Variants in ZCWPW2 observed in about 807,000 individuals in gnomAD.
The protein encoded by ZCWPW2 is zinc finger CW-type PWWP domain protein 2.
Under a neutral mutation model 46.6 loss-of-function variants are expected in ZCWPW2, and 45 were observed. The observed-to-expected ratio is 0.96, with a 90% CI of 0.76 to 1.24. The LOEUF (loss-of-function observed/expected upper bound fraction) is 1.24. Ranked by LOEUF, ZCWPW2 falls within the 50% of genes most tolerant of loss-of-function variation. The pLI is 0.00. For missense variants in ZCWPW2, 429 were observed against 403.9 expected, an observed-to-expected ratio of 1.06 and a Z score of -0.53; for synonymous variants, 152 against 137.1, an observed-to-expected ratio of 1.11 and a Z score of -0.76.
chr3:28,382,414 A>G lies in ZCWPW2; in HGVS notation c.-133-8084A>G, dbSNP rs1205589787. Among the ~76,000 whole-genome samples the G allele has an allele frequency of 2.6e-5, 4 of 152,250 alleles. No individual in the cohort carries two copies. In the East Asian group the frequency reaches 5.8e-4, roughly 22 times the overall value. On this transcript the variant is annotated intron_variant, in intron 1 of 9. Coordinates refer to ENST00000383768, the MANE Select transcript of ZCWPW2 (RefSeq NM_001040432.4). ...CAAGGACACTAGACATATTGGATTA[A>G]GGCTCACCCTAATTACCTCATTAAA... is the stretch of plus-strand genomic sequence containing the variant.
chr3:28,394,788 C>A (rs547399322), intron 2 of ZCWPW2, among the ~76,000 whole-genome samples: 340 of 152,118 alleles, frequency 2.2e-3, no homozygotes, highest in Middle Eastern at 3.4e-3. Context: ...AGACATAAGA[C>A]CTGAAACTAT....
intron 6 of ZCWPW2, among the ~76,000 whole-genome samples, chr3:28,495,276 A>G (rs1699949634): frequency 6.6e-6 from 1 of 152,136 alleles, no homozygotes; most frequent in African/African-American, 2.4e-5. Flanking sequence ...AATATCATAG[A>G]AAACAAGGTT....
chr3:28,369,324 A>G (rs952811065), intron 1 of ZCWPW2, among the ~76,000 whole-genome samples: 13 of 152,066 alleles, frequency 8.5e-5, no homozygotes, highest in Non-Finnish European at 1.8e-4. Flanking sequence ...TGACGTACAG[A>G]TGGGGTTTTG....
chr3:28,387,374 A>G (rs951341938), intron 1 of ZCWPW2, among the ~76,000 whole-genome samples: 4 of 152,334 alleles, frequency 2.6e-5, no homozygotes, highest in Non-Finnish European at 4.4e-5. Flanking sequence ...TTTAGAAGAT[A>G]TGAAAATTTA....
intron 4 of ZCWPW2, among the ~76,000 whole-genome samples, chr3:28,458,549 T>G (rs1236903664): frequency 1.3e-5 from 2 of 152,178 alleles, no homozygotes; most frequent in Non-Finnish European, 2.9e-5. Flanking sequence ...TTAAGTGACT[T>G]GCCTGAGGTT....
At chr3:28,481,999 G>A (rs189773836) in intron 5 of ZCWPW2, among the ~76,000 whole-genome samples, 20 of 152,188 alleles carry the variant, frequency 1.3e-4, no homozygotes, top group African/African-American at 4.6e-4. Flanking sequence ...ACACGTCATT[G>A]TCACCCAAAG....
At chr3:28,465,974 C>A (rs184570009) in intron 4 of ZCWPW2, among the ~76,000 whole-genome samples, 1 of 152,122 alleles carries the variant, frequency 6.6e-6, no homozygotes, top group Admixed American at 6.5e-5. Context: ...AGTACATAGA[C>A]ACTATGGAAT....
chr3:28,421,834 T>TTGTGTGTGTGTGTG (rs71087697), intron 3 of ZCWPW2, among the ~76,000 whole-genome samples: 115 of 133,908 alleles, frequency 8.6e-4, no homozygotes, highest in African/African-American at 1.6e-3. Context: ...GGAGAATAGT[T>TTGTGTGTGTGTGTG]TGTGTGTGTG....
intron 6 of ZCWPW2, among the ~76,000 whole-genome samples, chr3:28,500,394 A>G (rs564976430): frequency 1.6e-4 from 25 of 152,182 alleles, no homozygotes; most frequent in African/African-American, 5.8e-4. Context: ...ACATATTTCT[A>G]ATTAACTCTA....
Position 28,432,917 on chromosome 3 carries a change from T to A in ZCWPW2, c.333-2193T>A, listed in dbSNP as rs577927316. Among the ~76,000 whole-genome samples, 9 of 152,320 alleles carry A rather than the reference T, an allele frequency of 5.9e-5. No homozygotes were observed. The South Asian group carries it at 1.9e-3, about 32-fold the overall frequency. The stretch of plus-strand genomic sequence containing the variant: ...ACCATCATTCTATCCCTGGTCTTGA[T>A]ACAGTAGCAATCCTTATTGATCAAA... On this transcript the variant is annotated intron_variant, in intron 3 of 9. Coordinates refer to ENST00000383768, the MANE Select transcript of ZCWPW2 (RefSeq NM_001040432.4).
intron 2 of ZCWPW2, among the ~76,000 whole-genome samples, chr3:28,405,946 C>T (rs1696140798): frequency 6.6e-6 from 1 of 152,138 alleles, no homozygotes; most frequent in African/African-American, 2.4e-5. Flanking sequence ...GAAATAGGAA[C>T]ATATCATAAA....
At position 28,404,563 on chromosome 3, in the gene ZCWPW2, G is replaced by A. The variant is rs548783642; in HGVS notation, c.-13-8493G>A. The stretch of plus-strand genomic sequence containing the variant: ...AGAAAAAAGTTATTATATGAAAAAT[G>A]TACCTGCACATTCATGTTTATAACA... On this transcript the variant is annotated intron_variant, in intron 2 of 9. Transcript: ENST00000383768. 2.0e-5 allele frequency among the ~76,000 whole-genome samples: 3 copies of A among 152,180 alleles called. No homozygotes were observed. In the South Asian group the frequency reaches 6.2e-4, roughly 32 times the overall value.
At chr3:28,510,510 C>T (rs1700398654) in intron 6 of ZCWPW2, among the ~76,000 whole-genome samples, 1 of 152,118 alleles carries the variant, frequency 6.6e-6, no homozygotes. Flanking sequence ...ATGTTGAGCA[C>T]TTAATTTACT....
intron 4 of ZCWPW2, among the ~76,000 whole-genome samples, chr3:28,446,115 CA>C (rs1697981266): frequency 6.6e-6 from 1 of 151,856 alleles, no homozygotes; most frequent in African/African-American, 2.4e-5. Context: ...ATGGATAGAC[CA>C]CCAGGCAGAA....
At chr3:28,492,732 G>T (rs1208978888) in intron 6 of ZCWPW2, among the ~76,000 whole-genome samples, 2 of 152,142 alleles carry the variant, frequency 1.3e-5, no homozygotes, top group Admixed American at 6.6e-5. Context: ...ACTTGGTTGG[G>T]ATAGGATGAA....
At position 28,365,862 on chromosome 3, in the gene ZCWPW2, T is replaced by C. The variant is rs1001168326; in HGVS notation, c.-134+16659T>C. 6.4e-5 allele frequency among the ~76,000 whole-genome samples: 9 copies of C among 140,946 alleles called. 1 individual carries two copies. Among genetic ancestry groups the C allele is most frequent in the East Asian group, 2.0e-4 (1 of 5,108 alleles). 92.5% of individuals were successfully genotyped at this position (140,946 alleles called of 152,430 possible). A position where few individuals can be genotyped will look rare whatever the true frequency, so the allele number is the denominator to read the frequency against. On this transcript the variant is annotated intron_variant, in intron 1 of 9. Transcript: ENST00000383768. ...TAGTTTTCCTTGAAGAGGTCCTTCATCTCCCGTGTAAGTTGGATTCCTAGG... is the reference window on the plus strand; with the variant it reads ...TAGTTTTCCTTGAAGAGGTCCTTCACCTCCCGTGTAAGTTGGATTCCTAGG...
chr3:28,396,208 G>A (rs1028999708), intron 2 of ZCWPW2, among the ~76,000 whole-genome samples: 3 of 152,026 alleles, frequency 2.0e-5, no homozygotes, highest in Non-Finnish European at 2.9e-5. Flanking sequence ...GTCCTCTAGA[G>A]ATTATACAGC....
intron 5 of ZCWPW2, among the ~76,000 whole-genome samples, chr3:28,485,306 T>C (rs542810069): frequency 3.9e-5 from 6 of 152,294 alleles, no homozygotes; most frequent in Admixed American, 3.3e-4. Flanking sequence ...TAAGGTATTT[T>C]TTATGGCCCA....
intron 5 of ZCWPW2, among the ~76,000 whole-genome samples, chr3:28,489,668 G>A (rs13087490): frequency 0.035 from 1,400 of 39,572 alleles, 32 homozygotes; most frequent in African/African-American, 0.068. Context: ...ACACACGCGC[G>A]CACACACACA....
Sources: allele counts gnomAD v4.1 joint callset (sites outside exome capture counted in the v4.1 genomes callset), GRCh38; gene constraint gnomAD v4.1.1; transcripts MANE v1.5; gene names NCBI Gene and HGNC (gene_info 2026-07-23, HGNC 2026-07-21).